The following STAT5B variants were observed in gnomAD, a reference collection of about 807,000 sequenced individuals.
The protein encoded by STAT5B is signal transducer and activator of transcription 5B.
STAT5B carries 21 observed loss-of-function variants against 107.8 expected under a neutral mutation model. The ratio of observed to expected loss-of-function variants is 0.19; its 90% confidence interval spans 0.14 to 0.28. The LOEUF (loss-of-function observed/expected upper bound fraction) is 0.28. Among genes scored for constraint, STAT5B ranks in the 10% least tolerant of loss-of-function variants. STAT5B has a pLI of 1.00. For missense variants in STAT5B, 565 were observed against 1,008.2 expected, an observed-to-expected ratio of 0.56 and a Z score of 5.95; for synonymous variants, 325 against 401.7, an observed-to-expected ratio of 0.81 and a Z score of 2.28.
chr17:42,261,156 C>A (rs1432732141), intron 1 of STAT5B, among the ~76,000 whole-genome samples: 1 of 152,094 alleles, frequency 6.6e-6, no homozygotes, highest in African/African-American at 2.4e-5. Flanking sequence ...GGTCCGCCCA[C>A]CTCAGCCTCC....
intron 1 of STAT5B, among the ~76,000 whole-genome samples, chr17:42,243,190 A>T (rs1219847483): frequency 6.4e-5 from 2 of 31,356 alleles, no homozygotes; most frequent in African/African-American, 2.1e-3. Context: ...AAAATAAATA[A>T]AAAAAAAATA....
chr17:42,227,050 G>T (rs926567936), intron 3 of STAT5B, among the ~76,000 whole-genome samples: 4 of 146,656 alleles, frequency 2.7e-5, no homozygotes, highest in Non-Finnish European at 6.0e-5. Context: ...CAGAAGAATC[G>T]CTTGAACCCG....
chr17:42,262,056 C>T (rs1476421692), intron 1 of STAT5B, among the ~76,000 whole-genome samples: 1 of 152,108 alleles, frequency 6.6e-6, no homozygotes, highest in Non-Finnish European at 1.5e-5. Context: ...CTACTGGGCT[C>T]AAAATTGTCT....
chr17:42,273,552 A>G (rs1050260741), intron 1 of STAT5B, among the ~76,000 whole-genome samples: 2 of 152,234 alleles, frequency 1.3e-5, no homozygotes, highest in East Asian at 1.9e-4. Context: ...CACTCTTAAC[A>G]GAAAGGGAAA....
rs1225789373 is a variant in STAT5B, at chr17:42,262,968, GTGTATATA to G, written c.-11+13272_-11+13279del. The stretch of plus-strand genomic sequence containing the variant: ...TGTGTGTGTGTGTGTGTGTGTGTGT[GTGTATATA>G]TATATATATATATATATATATATAT... On this transcript the variant is annotated intron_variant, in intron 1 of 18. Transcript: ENST00000293328. Among the ~76,000 whole-genome samples the G allele has an allele frequency of 3.5e-3, 114 of 32,670 alleles. 1 individual carries two copies. Among genetic ancestry groups the G allele is most frequent in the Middle Eastern group, 0.014 (1 of 70 alleles). 21.4% of individuals were successfully genotyped at this position (32,670 alleles called of 152,430 possible). A position where few individuals can be genotyped will look rare whatever the true frequency, so the allele number is the denominator to read the frequency against.
chr17:42,262,864 A>ATG (rs1382801562), intron 1 of STAT5B, among the ~76,000 whole-genome samples: 4 of 126,296 alleles, frequency 3.2e-5, no homozygotes, highest in African/African-American at 1.2e-4. Context: ...ACACACATAT[A>ATG]TGTGTGTGTA....
intron 1 of STAT5B, among the ~76,000 whole-genome samples, chr17:42,252,369 C>T (rs2080507591): frequency 6.6e-6 from 1 of 152,178 alleles, no homozygotes; most frequent in Admixed American, 6.5e-5. Flanking sequence ...ATTTACCCTA[C>T]ACTCTGGACA....
In STAT5B at chr17:42,201,497, G is replaced by A. The variant is rs190849391; in HGVS notation, c.*241C>T. 30 of 626,804 alleles carry A rather than the reference G, an allele frequency of 4.8e-5. No homozygotes were observed. In the East Asian group the frequency reaches 7.9e-4, roughly 17 times the overall value. 38.8% of individuals were successfully genotyped at this position (626,804 alleles called of 1,614,324 possible). A position where few individuals can be genotyped will look rare whatever the true frequency, so the allele number is the denominator to read the frequency against. ...ACAACTAAACTCTCAGACAGTGAGA[G>A]GGAGAAACACCATAACGTGCAAACA... On this transcript the variant is annotated 3_prime_UTR_variant, in exon 19 of 19. Coordinates refer to ENST00000293328, the MANE Select transcript of STAT5B (RefSeq NM_012448.4).
chr17:42,238,095 TATCCATCCATCCATCCATCCATCC>T (rs60439745), intron 1 of STAT5B, among the ~76,000 whole-genome samples: 12 of 141,102 alleles, frequency 8.5e-5, no homozygotes, highest in South Asian at 2.4e-4. Context: ...TAAACTTTTC[TATCCATCCATCCATCCATCCATCC>T]ATCCATCCAT....
chr17:42,229,753 C>A (rs965595472), intron 2 of STAT5B, among the ~76,000 whole-genome samples: 10 of 151,722 alleles, frequency 6.6e-5, no homozygotes, highest in African/African-American at 2.4e-4. Context: ...CACCTGCAGT[C>A]CCAGCTACTC....
chr17:42,245,224 C>T (rs1196740199), intron 1 of STAT5B, among the ~76,000 whole-genome samples: 2 of 151,252 alleles, frequency 1.3e-5, no homozygotes, highest in Non-Finnish European at 2.9e-5. Flanking sequence ...ACTACAGGCA[C>T]GCGCCACCAT....
intron 1 of STAT5B, among the ~76,000 whole-genome samples, chr17:42,237,818 T>A (rs941365392): frequency 6.6e-6 from 1 of 152,190 alleles, no homozygotes; most frequent in Non-Finnish European, 1.5e-5. Context: ...CTCAGTTTTC[T>A]TATTTGTACA....
rs1283269314 is a variant in STAT5B, at chr17:42,199,496, T to G, written c.*2242A>C. 1 of 152,314 alleles carries G rather than the reference T, an allele frequency of 6.6e-6. No homozygotes were observed. The highest frequency in any genetic ancestry group is 1.5e-5 in the Non-Finnish European group (1 of 68,038). The allele number at this position is 152,314 out of a possible 1,614,324, so 9.4% of individuals were successfully genotyped here. A position where few individuals can be genotyped will look rare whatever the true frequency, so the allele number is the denominator to read the frequency against. On this transcript the variant is annotated 3_prime_UTR_variant, in exon 19 of 19. Coordinates refer to ENST00000293328, the MANE Select transcript of STAT5B (RefSeq NM_012448.4). ...GAGCTGAAACTTTTGAGGACTTGTG[T>G]GTGTCTGGGAGTGGGTGAGAGGCTG...
chr17:42,217,541 G>A, intron 9 of STAT5B, 77 bp from the exon 10 acceptor site: 3 of 1,550,746 alleles, frequency 1.9e-6, no homozygotes, highest in Non-Finnish European at 2.7e-6. Context: ...ATAATTTGGG[G>A]TAGCAGGAAA....
intron 18 of STAT5B, 161 bp from the exon 19 acceptor site, chr17:42,202,025 C>T: frequency 4.3e-6 from 3 of 701,438 alleles, no homozygotes; most frequent in South Asian, 1.8e-5. Context: ...TGTACAGCAA[C>T]TCAGACTGAA....
chr17:42,279,143 C>T (rs1355372102), upstream of STAT5B, among the ~76,000 whole-genome samples: 1 of 148,244 alleles, frequency 6.7e-6, no homozygotes, highest in Non-Finnish European at 1.5e-5. Context: ...ATGATTGTGC[C>T]ACTGCTCTCC....
chr17:42,240,861 TTAAAG>T (rs770671801), intron 1 of STAT5B, among the ~76,000 whole-genome samples: 2 of 152,110 alleles, frequency 1.3e-5, no homozygotes, highest in Non-Finnish European at 2.9e-5. Flanking sequence ...GAATGAAAAA[TTAAAG>T]TAAGAAACCT....
chr17:42,228,783 A>C (rs2080294714), intron 2 of STAT5B, among the ~76,000 whole-genome samples: 1 of 151,974 alleles, frequency 6.6e-6, no homozygotes, highest in Non-Finnish European at 1.5e-5. Flanking sequence ...ACACAAAAGA[A>C]ATTATCCGGG....
chr17:42,203,637 T>C (rs1362014798), intron 16 of STAT5B, among the ~76,000 whole-genome samples: 1 of 152,074 alleles, frequency 6.6e-6, no homozygotes, highest in African/African-American at 2.4e-5. Context: ...TTTTCTTTTT[T>C]TTCTTTTTTG....
Sources: gnomAD v4.1 joint callset for allele counts (sites outside exome capture counted in the v4.1 genomes callset) on GRCh38, gnomAD v4.1.1 for gene constraint, MANE v1.5 for transcripts, NCBI Gene and HGNC (gene_info 2026-07-23, HGNC 2026-07-21) for gene names.